SIPA1L1: variants seen among roughly 807,000 people sequenced by gnomAD.
SIPA1L1 encodes the protein signal-induced proliferation-associated 1-like protein 1.
A neutral mutation model predicts 162.7 loss-of-function variants in SIPA1L1; 26 were observed. The ratio of observed to expected loss-of-function variants is 0.16; its 90% CI spans 0.12 to 0.22. The LOEUF (loss-of-function observed/expected upper bound fraction) is 0.22, where lower values mean the gene tolerates loss of function less well. SIPA1L1 is among the 10% of genes least tolerant of loss of function. SIPA1L1 has a pLI of 1.00. For synonymous variants in SIPA1L1, 829 were observed against 837.4 expected, an observed-to-expected ratio of 0.99 and a Z score of 0.17; for missense variants, 1,874 against 2,241.0, an observed-to-expected ratio of 0.84 and a Z score of 3.31.
chr14:71,483,613 C>A (rs2142800720), intron 2 of SIPA1L1, among the ~76,000 whole-genome samples: 1 of 152,340 alleles, frequency 6.6e-6, no homozygotes, highest in South Asian at 2.1e-4. Flanking sequence ...CTTATCCTTG[C>A]TCACCTAGAC....
At chr14:71,340,101 C>T (rs1021506250) in intron 2 of SIPA1L1, among the ~76,000 whole-genome samples, 2 of 152,184 alleles carry the variant, frequency 1.3e-5, no homozygotes, top group African/African-American at 4.8e-5. Context: ...ACTTATAATT[C>T]GTTTTAAACA....
At chr14:71,328,009 A>G (rs1415216491) in intron 2 of SIPA1L1, among the ~76,000 whole-genome samples, 1 of 152,102 alleles carries the variant, frequency 6.6e-6, no homozygotes, top group Non-Finnish European at 1.5e-5. Context: ...TCTCTTTTCC[A>G]GTTTGAGAAA....
Position 71,624,710 on chromosome 14 carries a change from A to G in SIPA1L1, c.1818+474A>G, listed in dbSNP as rs577368664. Among the ~76,000 whole-genome samples the G allele has an allele frequency of 2.2e-3, 328 of 149,652 alleles. 1 individual carries two copies. Among genetic ancestry groups the G allele is most frequent in the Non-Finnish European group, 3.1e-3 (203 of 66,524 alleles). ...ATTTTAGAGAGAAGGATTCTGGGAC[A>G]CAGAGAGATTAAGTAATAAATCCAA... On this transcript the variant is annotated intron_variant, in intron 7 of 23. Coordinates refer to ENST00000381232, the MANE Select transcript of SIPA1L1 (RefSeq NM_001386936.1).
chr14:71,618,773 T>C lies in SIPA1L1; in HGVS notation c.1515T>C (p.Phe505=). The change falls in exon 6 of 24, where the codon TTT becomes TTC. Residue 505 remains phenylalanine (F), a synonymous_variant. Transcript: ENST00000381232. ...FFYQKEHWNY[F]GADENLGPVA... is the part of the protein sequence containing the mutation. Reference sequence around the variant, plus strand: ...TTACCTAAGAACACTGGAACTATTTTGGGGCTGATGAGAATCTTGGTCCAG... The same window carrying C: ...TTACCTAAGAACACTGGAACTATTTCGGGGCTGATGAGAATCTTGGTCCAG... 6.2e-7 allele frequency: 1 copy of C among 1,613,780 alleles called. No individual in the cohort carries two copies. The highest frequency in any genetic ancestry group is 8.5e-7 in the Non-Finnish European group (1 of 1,179,836).
chr14:71,640,982 A>G (rs1261724482), intron 7 of SIPA1L1, among the ~76,000 whole-genome samples: 1 of 152,236 alleles, frequency 6.6e-6, no homozygotes, highest in Non-Finnish European at 1.5e-5. Flanking sequence ...AAAAGTAGAT[A>G]TGTTTAAGAA....
At chr14:71,666,219 GA>G (rs1300673120) in intron 10 of SIPA1L1, among the ~76,000 whole-genome samples, 1 of 152,130 alleles carries the variant, frequency 6.6e-6, no homozygotes, top group African/African-American at 2.4e-5. Context: ...CAAGCTTCCA[GA>G]AAAGCCAATT....
intron 3 of SIPA1L1, among the ~76,000 whole-genome samples, chr14:71,515,724 A>G (rs1047615392): frequency 2.0e-5 from 3 of 151,918 alleles, no homozygotes; most frequent in East Asian, 1.9e-4. Flanking sequence ...AGCAACTTCT[A>G]CCTCCTGGAT....
chr14:71,613,041 G>A (rs903841793), intron 5 of SIPA1L1, among the ~76,000 whole-genome samples: 7 of 152,106 alleles, frequency 4.6e-5, no homozygotes, highest in African/African-American at 1.7e-4. Flanking sequence ...AACCGTATAT[G>A]GATATAATGT....
At chr14:71,422,954 A>G (rs1309129071) in intron 2 of SIPA1L1, among the ~76,000 whole-genome samples, 2 of 152,214 alleles carry the variant, frequency 1.3e-5, no homozygotes, top group Non-Finnish European at 2.9e-5. Context: ...AACAGTGCAC[A>G]AAGATTCCAG....
At chr14:71,482,738 G>C (rs974178325) in intron 2 of SIPA1L1, among the ~76,000 whole-genome samples, 24 of 152,064 alleles carry the variant, frequency 1.6e-4, no homozygotes, top group Admixed American at 1.5e-3. Flanking sequence ...TCCTTGTCTG[G>C]GTTCAAAGAA....
At chr14:71,683,785 A>G (rs963259655) in intron 12 of SIPA1L1, among the ~76,000 whole-genome samples, 3 of 152,250 alleles carry the variant, frequency 2.0e-5, no homozygotes, top group African/African-American at 7.2e-5. Context: ...CAAATGTGCC[A>G]TAAAACAATG....
intron 3 of SIPA1L1, among the ~76,000 whole-genome samples, chr14:71,522,556 C>G (rs1290965659): frequency 1.3e-5 from 2 of 152,188 alleles, no homozygotes; most frequent in Non-Finnish European, 2.9e-5. Context: ...CTTTGAGCAT[C>G]ATGTCAGCAC....
intron 8 of SIPA1L1, among the ~76,000 whole-genome samples, chr14:71,654,003 C>G (rs928344036): frequency 1.3e-5 from 2 of 152,208 alleles, no homozygotes; most frequent in African/African-American, 4.8e-5. Context: ...GTCTTCCTCC[C>G]TCTTAAGCCC....
chr14:71,396,074 T>A (rs1339400107), intron 2 of SIPA1L1, among the ~76,000 whole-genome samples: 1 of 152,126 alleles, frequency 6.6e-6, no homozygotes, highest in African/African-American at 2.4e-5. Context: ...TTGTCCTATC[T>A]TGCTTAAGGT....
intron 5 of SIPA1L1, among the ~76,000 whole-genome samples, chr14:71,603,390 T>A (rs573772621): frequency 6.6e-6 from 1 of 152,318 alleles, no homozygotes; most frequent in South Asian, 2.1e-4. Flanking sequence ...ACTTTATTAA[T>A]TGATTTCTAG....
chr14:71,529,648 T>C (rs925435492), intron 4 of SIPA1L1, among the ~76,000 whole-genome samples: 1 of 152,232 alleles, frequency 6.6e-6, no homozygotes, highest in Admixed American at 6.5e-5. Flanking sequence ...ATCCATATCA[T>C]GCGTTGCATC....
intron 2 of SIPA1L1, among the ~76,000 whole-genome samples, chr14:71,391,534 A>G (rs2040758982): frequency 6.6e-6 from 1 of 152,238 alleles, no homozygotes; most frequent in East Asian, 1.9e-4. Flanking sequence ...AGAACAGTTC[A>G]TATGAACAAG....
chr14:71,473,627 A>C (rs1404447460), intron 2 of SIPA1L1, among the ~76,000 whole-genome samples: 1 of 152,226 alleles, frequency 6.6e-6, no homozygotes, highest in East Asian at 1.9e-4. Flanking sequence ...CATGGATAGA[A>C]AATAAAAGGT....
chr14:71,542,751 T>G (rs377076961), intron 4 of SIPA1L1, among the ~76,000 whole-genome samples: 1 of 98,952 alleles, frequency 1.0e-5, no homozygotes, highest in Admixed American at 1.0e-4. Flanking sequence ...CTCTCTCTCT[T>G]TTTTTTTTTT....
Sources: allele counts gnomAD v4.1 joint callset (sites outside exome capture counted in the v4.1 genomes callset), GRCh38; gene constraint gnomAD v4.1.1; transcripts MANE v1.5; gene names NCBI Gene and HGNC (gene_info 2026-07-23, HGNC 2026-07-21).